WWC1: variants seen among roughly 807,000 people sequenced by gnomAD.
The protein encoded by WWC1 is WW and C2 domain containing 1.
Under a neutral mutation model 138.4 loss-of-function variants are expected in WWC1, and 55 were observed. The observed-to-expected ratio is 0.40, with a 90% confidence interval of 0.32 to 0.50. The LOEUF (loss-of-function observed/expected upper bound fraction) is 0.50, where lower values mean the gene tolerates loss of function less well. Ranked by LOEUF, WWC1 falls within the 20% of genes least tolerant of loss-of-function variation. The pLI, the probability that WWC1 is intolerant of heterozygous loss-of-function variation, is 0.72. For missense variants in WWC1, 1,226 were observed against 1,420.4 expected (o/e 0.86, Z 2.20); for synonymous variants, 524 against 564.9 (o/e 0.93, Z 1.03).
At chr5:168,380,074 A>G (rs999612484) in intron 2 of WWC1, among the ~76,000 whole-genome samples, 2 of 152,360 alleles carry the variant, frequency 1.3e-5, no homozygotes, top group African/African-American at 4.8e-5. Context: ...GACAAGCCAC[A>G]GATAAGGAGA....
intron 8 of WWC1, 95 bp downstream of exon 8, chr5:168,410,090 C>CT: frequency 8.5e-7 from 1 of 1,170,902 alleles, no homozygotes; most frequent in Non-Finnish European, 1.3e-6. Flanking sequence ...CACACTTCGT[C>CT]TTCTTTAATC....
intron 1 of WWC1, among the ~76,000 whole-genome samples, chr5:168,328,762 C>T (rs1237561556): frequency 6.6e-6 from 1 of 152,110 alleles, no homozygotes; most frequent in African/African-American, 2.4e-5. Context: ...GTCTCAAACT[C>T]CTGACCTCGT....
chr5:168,441,908 A>G (rs1192449184), intron 16 of WWC1, 74 bp downstream of exon 16: 18 of 1,543,208 alleles, frequency 1.2e-5, no homozygotes, highest in South Asian at 3.8e-5. Context: ...CTCTCCCAGA[A>G]CTGGAGGTGA....
chr5:168,427,206 A>G (rs1781567948), intron 11 of WWC1, among the ~76,000 whole-genome samples: 1 of 152,162 alleles, frequency 6.6e-6, no homozygotes, highest in African/African-American at 2.4e-5. Flanking sequence ...TTTGCCATTG[A>G]AAGTATGGAT....
In WWC1 at chr5:168,464,788, G is replaced by A. The variant is rs1052349965; in HGVS notation, c.2976G>A (p.Glu992=). The A allele has an allele frequency of 5.6e-6, 9 of 1,614,082 alleles. No individual in the cohort carries two copies. The highest frequency in any genetic ancestry group is 3.3e-5 in the Admixed American group (2 of 60,012). The change falls in exon 21 of 23, where the codon GAG becomes GAA. Residue 992 remains glutamate, a synonymous_variant. Transcript: ENST00000265293. ...TGATCCGTACCTCGCTGGACCTGGA[G>A]TTAGACCTGCAGGCGACAAGAACCT... The part of the protein sequence containing the change: ...ERLIRTSLDL[E]LDLQATRTWH...
At chr5:168,418,470 T>C (rs1163659332) in intron 9 of WWC1, among the ~76,000 whole-genome samples, 1 of 152,142 alleles carries the variant, frequency 6.6e-6, no homozygotes, top group Non-Finnish European at 1.5e-5. Context: ...ACCTTCTGGA[T>C]CCTCTGCCTG....
chr5:168,328,104 G>A (rs1478047582), intron 1 of WWC1, among the ~76,000 whole-genome samples: 1 of 152,216 alleles, frequency 6.6e-6, no homozygotes, highest in Non-Finnish European at 1.5e-5. Flanking sequence ...CAATTTAGGA[G>A]TCCAAGTTCA....
chr5:168,337,594 C>T (rs1739173750), intron 1 of WWC1, among the ~76,000 whole-genome samples: 1 of 152,230 alleles, frequency 6.6e-6, no homozygotes, highest in Admixed American at 6.5e-5. Context: ...GTTAAGCATC[C>T]ATCAGGCAGG....
At chr5:168,423,510 T>A in intron 10 of WWC1, 23 bp from the exon 11 acceptor site, 2 of 1,593,210 alleles carry the variant, frequency 1.3e-6, no homozygotes, top group Non-Finnish European at 1.7e-6. Flanking sequence ...CATCTCACTG[T>A]CCTTCCCCTC....
chr5:168,390,559 C>T (rs1778402612), intron 3 of WWC1, among the ~76,000 whole-genome samples: 1 of 152,208 alleles, frequency 6.6e-6, no homozygotes, highest in Admixed American at 6.5e-5. Flanking sequence ...CCAAGCATCC[C>T]AGTTAAACAA....
At chr5:168,309,136 T>G (rs1426188628) in intron 1 of WWC1, among the ~76,000 whole-genome samples, 1 of 151,524 alleles carries the variant, frequency 6.6e-6, no homozygotes, top group East Asian at 1.9e-4. Flanking sequence ...CCAACTCCCT[T>G]CCTTTACAGG....
intron 9 of WWC1, among the ~76,000 whole-genome samples, chr5:168,420,422 T>G (rs2152849529): frequency 6.6e-6 from 1 of 152,270 alleles, no homozygotes; most frequent in East Asian, 1.9e-4. Context: ...TCATTTTACC[T>G]TAATTACTTC....
intron 1 of WWC1, among the ~76,000 whole-genome samples, chr5:168,314,166 C>CA (rs776595550): frequency 2.6e-5 from 4 of 152,110 alleles, no homozygotes; most frequent in Non-Finnish European, 5.9e-5. Flanking sequence ...TTTCAGTCCT[C>CA]AGAGAACAGA....
At chr5:168,384,495 T>C (rs1477896671) in intron 2 of WWC1, among the ~76,000 whole-genome samples, 1 of 152,154 alleles carries the variant, frequency 6.6e-6, no homozygotes, top group East Asian at 1.9e-4. Flanking sequence ...AGTAAGGCTG[T>C]TCTAATTCAC....
intron 12 of WWC1, 73 bp downstream of exon 12, chr5:168,428,214 G>C: frequency 6.9e-7 from 1 of 1,459,818 alleles, no homozygotes; most frequent in Non-Finnish European, 9.4e-7. Flanking sequence ...GCCTAGGCCT[G>C]TGGAGAGGCT....
At chr5:168,371,888 G>A (rs1393891053) in intron 2 of WWC1, among the ~76,000 whole-genome samples, 1 of 152,082 alleles carries the variant, frequency 6.6e-6, no homozygotes. Flanking sequence ...ATTTACATAT[G>A]TAAATTTGTG....
chr5:168,371,757 T>G lies in WWC1; in HGVS notation c.229+224T>G, dbSNP rs1776766349. Among the ~76,000 whole-genome samples, 4 of 152,170 alleles carry G rather than the reference T, an allele frequency of 2.6e-5. No individual in the cohort carries two copies. The South Asian group carries it at 8.3e-4, about 32-fold the overall frequency. ...GGTTTTTAATAGAATCTAAAACTCCTCTCACAATCCATCTCCCCAATTTTA... is the reference window on the plus strand; with the variant it reads ...GGTTTTTAATAGAATCTAAAACTCCGCTCACAATCCATCTCCCCAATTTTA... On this transcript the variant is annotated intron_variant, in intron 2 of 22. Coordinates refer to ENST00000265293, the MANE Select transcript of WWC1 (RefSeq NM_015238.3).
At position 168,406,317 on chromosome 5, in the gene WWC1, A is replaced by T. The variant is rs774051551; in HGVS notation, c.710A>T (p.Asp237Val). ...AITCGEKEKQ[D>V]LIKSLAMLKD... ...ACCTGTGGGGAAAAGGAAAAGCAAG[A>T]TCTCATTAAGGTATGCAAGTTCCTG... The change falls in exon 6 of 23, where the codon GAT (aspartate) becomes GTT (valine). Residue 237 changes from aspartate (D) to valine (V), a missense_variant. Physicochemically the swap from Asp to Val is radical, Grantham distance 152. Coordinates refer to ENST00000265293, the MANE Select transcript of WWC1 (RefSeq NM_015238.3). 6.2e-7 allele frequency: 1 copy of T among 1,613,902 alleles called. No individual in the cohort carries two copies. Among genetic ancestry groups the T allele is most frequent in the South Asian group, 1.1e-5 (1 of 91,068 alleles).
intron 9 of WWC1, among the ~76,000 whole-genome samples, chr5:168,421,405 T>A (rs1271197285): frequency 1.3e-5 from 2 of 152,196 alleles, no homozygotes; most frequent in East Asian, 3.9e-4. Flanking sequence ...TTTGTGTTCT[T>A]TTCTACCATT....
Sources: allele counts gnomAD v4.1 joint callset (sites outside exome capture counted in the v4.1 genomes callset), GRCh38; gene constraint gnomAD v4.1.1; transcripts MANE v1.5; gene names NCBI Gene and HGNC (gene_info 2026-07-23, HGNC 2026-07-21).